The following TRIO variants were observed in gnomAD, a reference collection of about 807,000 sequenced individuals.
The protein encoded by TRIO is trio Rho guanine nucleotide exchange factor.
Under a neutral mutation model 351.9 loss-of-function variants are expected in TRIO, and 58 were observed. The ratio of observed to expected loss-of-function variants is 0.16; its 90% CI spans 0.13 to 0.21. The LOEUF (loss-of-function observed/expected upper bound fraction) is 0.21. TRIO is among the 10% of genes least tolerant of loss of function. The probability of loss-of-function intolerance (pLI) is 1.00; values close to 1 mark genes in which losing one functional copy is unlikely to be tolerated. For missense variants in TRIO, 3,201 were observed against 4,027.8 expected (o/e 0.79, Z 5.56); for synonymous variants, 1,758 against 1,595.7 (o/e 1.10, Z -2.42).
intron 1 of TRIO, among the ~76,000 whole-genome samples, chr5:14,225,055 G>A (rs1191174518): frequency 6.6e-6 from 1 of 152,210 alleles, no homozygotes; most frequent in Non-Finnish European, 1.5e-5. Flanking sequence ...TGGGAAGCCT[G>A]ATGGAGATGG....
At chr5:14,418,524 G>A (rs1749836573) in intron 33 of TRIO, among the ~76,000 whole-genome samples, 1 of 152,120 alleles carries the variant, frequency 6.6e-6, no homozygotes, top group Non-Finnish European at 1.5e-5. Context: ...GTGACTTGAT[G>A]GTGATACTGT....
chr5:14,337,013 C>T (rs901634383), intron 11 of TRIO, among the ~76,000 whole-genome samples: 1 of 152,162 alleles, frequency 6.6e-6, no homozygotes, highest in Non-Finnish European at 1.5e-5. Flanking sequence ...AGTAGGGGAC[C>T]TGCGCGTTGT....
intron 1 of TRIO, among the ~76,000 whole-genome samples, chr5:14,200,048 T>A (rs1791008132): frequency 6.6e-6 from 1 of 152,222 alleles, no homozygotes; most frequent in Non-Finnish European, 1.5e-5. Flanking sequence ...GAGATCTTAG[T>A]GTCCTGGCAA....
chr5:14,467,622 C>T (rs564629477), intron 37 of TRIO, among the ~76,000 whole-genome samples: 1 of 152,136 alleles, frequency 6.6e-6, no homozygotes, highest in African/African-American at 2.4e-5. Flanking sequence ...TCGAGACCAG[C>T]CTGGGAAACA....
In TRIO at chr5:14,481,217, C is replaced by T. The variant is rs779763100; in HGVS notation, c.6337-17C>T. ...GTCTTTGTCACCATTATCATGTCCT[C>T]TCCATTTCCCTTGCAGGACTTCCTC... On this transcript the variant is annotated splice_polypyrimidine_tract_variant and intron_variant, in intron 43 of 56. Transcript: ENST00000344204. 1 of 1,612,664 alleles carries T rather than the reference C, an allele frequency of 6.2e-7. No homozygotes were observed. The highest frequency in any genetic ancestry group is 8.5e-7 in the Non-Finnish European group (1 of 1,179,446).
At chr5:14,406,396 G>A in intron 32 of TRIO, 177 bp from the exon 33 acceptor site, 1 of 636,968 alleles carries the variant, frequency 1.6e-6, no homozygotes, top group Non-Finnish European at 2.8e-6. Flanking sequence ...TAAACACTCA[G>A]CACAGTGCCT....
chr5:14,492,863 G>GCACAGC (rs1367154799), intron 49 of TRIO, 49 bp downstream of exon 49: 7 of 1,599,458 alleles, frequency 4.4e-6, no homozygotes, highest in Non-Finnish European at 6.0e-6. Flanking sequence ...GAGGGAGGGG[G>GCACAGC]CACAGCACCC....
At chr5:14,250,637 C>G (rs924779733) in intron 1 of TRIO, among the ~76,000 whole-genome samples, 1 of 152,136 alleles carries the variant, frequency 6.6e-6, no homozygotes. Flanking sequence ...TGAGAGCACC[C>G]GAGCCTGTAC....
At chr5:14,450,297 G>C (rs904548707) in intron 34 of TRIO, among the ~76,000 whole-genome samples, 3 of 152,178 alleles carry the variant, frequency 2.0e-5, no homozygotes, top group Non-Finnish European at 4.4e-5. Flanking sequence ...AATTCACAAA[G>C]AAGAGCAGTT....
intron 1 of TRIO, among the ~76,000 whole-genome samples, chr5:14,242,001 C>T (rs1354968212): frequency 6.6e-6 from 1 of 152,192 alleles, no homozygotes; most frequent in Non-Finnish European, 1.5e-5. Context: ...TGGTGTTTGC[C>T]ATGTGCCGGG....
rs774938828 is a variant in TRIO at position 14,508,285 on chromosome 5, G to A, written c.9157G>A (p.Gly3053Ser). The A allele has an allele frequency of 2.5e-4, 399 of 1,613,768 alleles. No individual in the cohort carries two copies. Among genetic ancestry groups the A allele is most frequent in the Non-Finnish European group, 3.1e-4 (369 of 1,180,056 alleles). ...CCTCCAGGAGCAGTGGCTGCAGGCC[G>A]GCAACGGCAGAAGCACGGGCGTCCT... ...LALQEQWLQA[G>S]NGRSTGVLDT... Residue 3053 changes from glycine to serine, a missense_variant, in exon 57 of 57, where the codon GGC (glycine) becomes AGC (serine). By Grantham distance (56) the Gly-to-Ser change is moderately conservative. Around this residue, in one of 19 missense-constraint regions of TRIO, gnomAD observed 233 missense variants for 292.6 expected, o/e 0.80. Transcript: ENST00000344204.
At chr5:14,234,286 T>C (rs1318355177) in intron 1 of TRIO, among the ~76,000 whole-genome samples, 1 of 152,190 alleles carries the variant, frequency 6.6e-6, no homozygotes, top group Non-Finnish European at 1.5e-5. Flanking sequence ...TTGGACAAGC[T>C]GGGCAGTGGA....
chr5:14,197,299 G>A (rs1049473053), intron 1 of TRIO, among the ~76,000 whole-genome samples: 11 of 57,458 alleles, frequency 1.9e-4, no homozygotes, highest in Non-Finnish European at 5.7e-4. Flanking sequence ...TGTGTATCGA[G>A]GTGCTTCCTG....
At chr5:14,389,129 G>T (rs1746824238) in intron 24 of TRIO, among the ~76,000 whole-genome samples, 160 bp from the exon 25 acceptor site, 1 of 152,198 alleles carries the variant, frequency 6.6e-6, no homozygotes, top group Non-Finnish European at 1.5e-5. Context: ...GCAACTGAGG[G>T]CCTTTTTTAG....
intron 1 of TRIO, among the ~76,000 whole-genome samples, chr5:14,151,545 G>A (rs26115): frequency 0.07 from 10,721 of 152,140 alleles, 418 homozygotes; most frequent in Non-Finnish European, 0.077. Flanking sequence ...CAAAGAACTC[G>A]TGTTTCCTAG....
At chr5:14,345,171 C>T (rs1358138226) in intron 11 of TRIO, among the ~76,000 whole-genome samples, 2 of 152,002 alleles carry the variant, frequency 1.3e-5, no homozygotes, top group South Asian at 2.1e-4. Context: ...TTGTTAACAT[C>T]GGATCACTAT....
intron 9 of TRIO, among the ~76,000 whole-genome samples, chr5:14,329,861 TG>T (rs1288946136): frequency 6.6e-6 from 1 of 152,182 alleles, no homozygotes; most frequent in African/African-American, 2.4e-5. Flanking sequence ...CCAAAACCTA[TG>T]GGTGCCTAAG....
chr5:14,299,322 C>T (rs922968348), intron 7 of TRIO, among the ~76,000 whole-genome samples: 2 of 152,088 alleles, frequency 1.3e-5, no homozygotes, highest in African/African-American at 4.8e-5. Flanking sequence ...ACTGTAAGGG[C>T]GCCTGAAGTC....
chr5:14,185,303 T>C (rs569888629), intron 1 of TRIO, among the ~76,000 whole-genome samples: 2 of 152,270 alleles, frequency 1.3e-5, no homozygotes, highest in East Asian at 3.9e-4. Flanking sequence ...CCAAATTGAA[T>C]CCTGAAAACT....
Sources: allele counts gnomAD v4.1 joint callset (sites outside exome capture counted in the v4.1 genomes callset), GRCh38; gene constraint gnomAD v4.1.1; regional missense constraint gnomAD v4.1.1; transcripts MANE v1.5; gene names NCBI Gene and HGNC (gene_info 2026-07-23, HGNC 2026-07-21).